PRUNE2: variants seen among roughly 807,000 people sequenced by gnomAD.
The protein encoded by PRUNE2 is prune homolog 2 with BCH domain.
In PRUNE2, 164 loss-of-function variants were observed where a neutral mutation model predicts 252.0. The ratio of observed to expected loss-of-function variants is 0.65; its 90% confidence interval spans 0.57 to 0.74. The LOEUF (loss-of-function observed/expected upper bound fraction) is 0.74. PRUNE2 is among the 30% of genes least tolerant of loss of function. PRUNE2 has a pLI of 0.00. For missense variants in PRUNE2, 3,495 were observed against 3,711.0 expected (o/e 0.94, Z 1.51); for synonymous variants, 1,292 against 1,350.2 (o/e 0.96, Z 0.94).
chr9:76,804,815 A>G (rs866317252), intron 6 of PRUNE2, among the ~76,000 whole-genome samples: 1 of 151,996 alleles, frequency 6.6e-6, no homozygotes. Flanking sequence ...TTTCTTTTCA[A>G]CCATTTCCTC....
intron 6 of PRUNE2, among the ~76,000 whole-genome samples, chr9:76,715,845 A>C (rs1237640667): frequency 4.6e-5 from 7 of 152,184 alleles, no homozygotes; most frequent in Admixed American, 3.9e-4. Flanking sequence ...TCATTGCTAA[A>C]CTTGTAGCAA....
At chr9:76,627,976 A>T in intron 16 of PRUNE2, 1 of 200,036 alleles carries the variant, frequency 5.0e-6, no homozygotes, top group South Asian at 5.9e-5. Context: ...TAATTAATTA[A>T]TTTTTTAAAG....
intron 15 of PRUNE2, 101 bp downstream of exon 15, chr9:76,636,370 C>T: frequency 1.4e-6 from 1 of 699,590 alleles, no homozygotes; most frequent in East Asian, 2.8e-5. Flanking sequence ...ATATATTTCC[C>T]TGGGTACTCT....
At chr9:76,878,138 A>C (rs2061568097) in intron 1 of PRUNE2, among the ~76,000 whole-genome samples, 1 of 152,208 alleles carries the variant, frequency 6.6e-6, no homozygotes, top group African/African-American at 2.4e-5. Flanking sequence ...GCCACTGCAG[A>C]GTCAAGGTAT....
At chr9:76,696,964 C>A (rs1189840770) in intron 9 of PRUNE2, among the ~76,000 whole-genome samples, 1 of 152,242 alleles carries the variant, frequency 6.6e-6, no homozygotes, top group Non-Finnish European at 1.5e-5. Context: ...TTGTGAGTTC[C>A]TCACACTTTG....
intron 9 of PRUNE2, among the ~76,000 whole-genome samples, chr9:76,665,681 G>A (rs990492997): frequency 6.6e-6 from 1 of 152,166 alleles, no homozygotes; most frequent in Non-Finnish European, 1.5e-5. Flanking sequence ...AAGGTGCCCT[G>A]CCCTTTGGGT....
At chr9:76,779,331 G>A (rs2054128571) in intron 6 of PRUNE2, among the ~76,000 whole-genome samples, 1 of 151,552 alleles carries the variant, frequency 6.6e-6, no homozygotes, top group South Asian at 2.1e-4. Flanking sequence ...GTGAGATTAA[G>A]GCTCTTTGTG....
chr9:76,776,070 G>A (rs1052947608), intron 6 of PRUNE2, among the ~76,000 whole-genome samples: 1 of 152,168 alleles, frequency 6.6e-6, no homozygotes, highest in Non-Finnish European at 1.5e-5. Flanking sequence ...ACAATCTCAC[G>A]TGCACAGAGT....
intron 1 of PRUNE2, among the ~76,000 whole-genome samples, chr9:76,864,376 TG>T (rs1245071094): frequency 6.6e-6 from 1 of 152,138 alleles, no homozygotes; most frequent in Non-Finnish European, 1.5e-5. Context: ...CAGGACCATC[TG>T]TATCCTAAAC....
intron 1 of PRUNE2, among the ~76,000 whole-genome samples, chr9:76,905,055 GTTCTTTAAAGATA>G (rs1288385216): frequency 6.6e-6 from 1 of 152,186 alleles, no homozygotes; most frequent in Non-Finnish European, 1.5e-5. Flanking sequence ...TGCTTTTACA[GTTCTTTAAAGATA>G]TTGCTTCTAA....
In PRUNE2 at chr9:76,884,110, G is replaced by A. The variant is rs181985123; in HGVS notation, c.36+21818C>T. ...CTCCTCTCTCCATTTGCCTATTCTGGTTGGGCCCAGATGTAACCAGTTGAT... is the reference window on the plus strand; with the variant it reads ...CTCCTCTCTCCATTTGCCTATTCTGATTGGGCCCAGATGTAACCAGTTGAT... On this transcript the variant is annotated intron_variant, in intron 1 of 18. Transcript: ENST00000376718. Among the ~76,000 whole-genome samples the A allele has an allele frequency of 3.1e-3, 464 of 152,130 alleles. 1 individual carries two copies. Among genetic ancestry groups the A allele is most frequent in the African/African-American group, 0.011 (443 of 41,482 alleles).
intron 6 of PRUNE2, among the ~76,000 whole-genome samples, chr9:76,780,158 A>T (rs1487203048): frequency 1.3e-5 from 2 of 152,216 alleles, no homozygotes; most frequent in Non-Finnish European, 2.9e-5. Flanking sequence ...GTAAGATCCA[A>T]GAAGTACATA....
chr9:76,857,499 G>A (rs1424124444), intron 1 of PRUNE2, among the ~76,000 whole-genome samples: 1 of 152,160 alleles, frequency 6.6e-6, no homozygotes, highest in African/African-American at 2.4e-5. Flanking sequence ...AGCCCTGAAA[G>A]AGATAGGCTT....
Position 76,612,858 on chromosome 9 carries a change from A to C in PRUNE2, c.*1712T>G, listed in dbSNP as rs1332869482. 1 of 152,138 alleles carries C rather than the reference A, an allele frequency of 6.6e-6. No individual in the cohort carries two copies. Among genetic ancestry groups the C allele is most frequent in the Non-Finnish European group, 1.5e-5 (1 of 68,046 alleles). The allele number at this position is 152,138 out of a possible 1,614,324, so 9.4% of individuals were successfully genotyped here. On this transcript the variant is annotated 3_prime_UTR_variant, in exon 19 of 19. Coordinates refer to ENST00000376718, the MANE Select transcript of PRUNE2 (RefSeq NM_015225.3). ...TTTAAAGTAGTTACAAGCTCCTTCTACCCAGGACTCCAAATATCCTGGACA... is the reference window on the plus strand; with the variant it reads ...TTTAAAGTAGTTACAAGCTCCTTCTCCCCAGGACTCCAAATATCCTGGACA...
intron 6 of PRUNE2, among the ~76,000 whole-genome samples, chr9:76,779,278 A>G (rs926406499): frequency 6.6e-6 from 1 of 151,970 alleles, no homozygotes; most frequent in Non-Finnish European, 1.5e-5. Flanking sequence ...AGTCACTTAA[A>G]GGAGAACTGA....
intron 3 of PRUNE2, among the ~76,000 whole-genome samples, chr9:76,848,325 C>T (rs1027722272): frequency 2.6e-5 from 4 of 152,148 alleles, no homozygotes; most frequent in Non-Finnish European, 5.9e-5. Context: ...TTCCTGAATA[C>T]CAATAATTGA....
At chr9:76,762,819 A>G (rs2051882888) in intron 6 of PRUNE2, among the ~76,000 whole-genome samples, 1 of 152,206 alleles carries the variant, frequency 6.6e-6, no homozygotes, top group South Asian at 2.1e-4. Context: ...TCTTAATCCA[A>G]ACAAACCAGG....
intron 4 of PRUNE2, among the ~76,000 whole-genome samples, chr9:76,836,458 A>C (rs1164500874): frequency 6.6e-6 from 1 of 151,632 alleles, no homozygotes; most frequent in Non-Finnish European, 1.5e-5. Context: ...GAAGAACCTC[A>C]GCAAAAATAG....
At chr9:76,759,276 C>T (rs1448986532) in intron 6 of PRUNE2, 1 of 152,226 alleles carries the variant, frequency 6.6e-6, no homozygotes, top group African/African-American at 2.4e-5. Context: ...CTGATACAAA[C>T]AGGAAGCAGG....
Sources: allele counts gnomAD v4.1 joint callset (sites outside exome capture counted in the v4.1 genomes callset), GRCh38; gene constraint gnomAD v4.1.1; transcripts MANE v1.5; gene names NCBI Gene and HGNC (gene_info 2026-07-23, HGNC 2026-07-21).